EIF3L: variants seen among roughly 807,000 people sequenced by gnomAD.
EIF3L encodes eukaryotic translation initiation factor 3 subunit L, also known as eIEF associated protein HSPC021.
In EIF3L, 32 loss-of-function variants were observed where a neutral mutation model predicts 74.6. The ratio of observed to expected loss-of-function variants is 0.43; its 90% CI spans 0.32 to 0.58. EIF3L has a LOEUF of 0.58. Ranked by LOEUF, EIF3L falls within the 20% of genes least tolerant of loss-of-function variation. The pLI is 0.06. For missense variants in EIF3L, 474 were observed against 707.8 expected, an observed-to-expected ratio of 0.67 and a Z score of 3.75; for synonymous variants, 256 against 254.4, an observed-to-expected ratio of 1.01 and a Z score of -0.06.
Position 37,886,786 on chromosome 22 carries a change from A to G in EIF3L, c.1597A>G (p.Thr533Ala). The G allele has an allele frequency of 6.2e-7, 1 of 1,611,112 alleles. No homozygotes were observed. Among genetic ancestry groups the G allele is most frequent in the Non-Finnish European group, 8.5e-7 (1 of 1,178,042 alleles). ...IDKDMIHIAD[T>A]KVARRYGDFF... ...ACAGGACATGATCCACATCGCGGACACCAAGGTCGCCAGGCGTTATGGGGA... is the reference window on the plus strand; with the variant it reads ...ACAGGACATGATCCACATCGCGGACGCCAAGGTCGCCAGGCGTTATGGGGA... The change falls in exon 12 of 13, where the codon ACC becomes GCC. Residue 533 changes from threonine (T) to alanine (A), a missense_variant. Thr to Ala is a moderately conservative substitution (Grantham distance 58). Transcript: ENST00000652021.
At chr22:37,868,208 G>A (rs374616390) in intron 7 of EIF3L, among the ~76,000 whole-genome samples, 7 of 143,196 alleles carry the variant, frequency 4.9e-5, no homozygotes, top group East Asian at 2.1e-4. Flanking sequence ...TCCACCTCCT[G>A]TGTTCAAGCG....
intron 7 of EIF3L, among the ~76,000 whole-genome samples, chr22:37,868,574 C>T (rs1171563787): frequency 6.6e-6 from 1 of 150,650 alleles, no homozygotes; most frequent in Admixed American, 6.7e-5. Context: ...CTGCCTCAGC[C>T]TCCCGAGTAG....
chr22:37,875,770 G>A, intron 9 of EIF3L, 71 bp from the exon 10 acceptor site: 1 of 1,470,320 alleles, frequency 6.8e-7, no homozygotes, highest in South Asian at 1.3e-5. Context: ...GAAAACTCTT[G>A]GTGTTTCTAC....
intron 8 of EIF3L, among the ~76,000 whole-genome samples, chr22:37,872,998 A>AT (rs1926554548): frequency 2.0e-5 from 3 of 150,050 alleles, no homozygotes; most frequent in Non-Finnish European, 1.5e-5. Context: ...TTTTATTTTT[A>AT]TTTTTTTTGA....
At chr22:37,849,601 C>T (rs1376246346) in intron 1 of EIF3L, 119 bp downstream of exon 1, 2 of 1,183,176 alleles carry the variant, frequency 1.7e-6, no homozygotes, top group Non-Finnish European at 2.4e-6. Context: ...GACCTCCCGC[C>T]CGGCCCTCAG....
intron 11 of EIF3L, chr22:37,879,342 T>TA (rs1926924383): frequency 6.6e-6 from 1 of 151,826 alleles, no homozygotes; most frequent in Non-Finnish European, 1.5e-5. Context: ...CTACTAAAAA[T>TA]AAATTAGCTG....
At chr22:37,874,134 C>CAA (rs371008866) in intron 8 of EIF3L, among the ~76,000 whole-genome samples, 1 of 145,776 alleles carries the variant, frequency 6.9e-6, no homozygotes, top group African/African-American at 2.5e-5. Flanking sequence ...GTGTTGGGAC[C>CAA]AAAAAAAAAA....
chr22:37,886,586 A>G, intron 11 of EIF3L, 179 bp from the exon 12 acceptor site: 1 of 418,206 alleles, frequency 2.4e-6, no homozygotes, highest in Non-Finnish European at 4.4e-6. Flanking sequence ...AAAGAAAAGA[A>G]AAACTCTCTA....
intron 7 of EIF3L, among the ~76,000 whole-genome samples, chr22:37,865,301 TAAAA>T (rs547553194): frequency 2.8e-5 from 4 of 144,266 alleles, no homozygotes; most frequent in African/African-American, 1.0e-4. Flanking sequence ...CCATCTCTAC[TAAAA>T]AAAAAACAGC....
chr22:37,871,499 AC>A (rs141509446), intron 8 of EIF3L, among the ~76,000 whole-genome samples: 7,452 of 152,268 alleles, frequency 0.049, 581 homozygotes, highest in African/African-American at 0.17. Flanking sequence ...TAATAAAGTT[AC>A]TTTCAGGCTG....
At chr22:37,853,911 A>G (rs939765146) in intron 3 of EIF3L, among the ~76,000 whole-genome samples, 11 of 152,242 alleles carry the variant, frequency 7.2e-5, no homozygotes, top group Non-Finnish European at 1.0e-4. Context: ...AAGTTTTCCA[A>G]TACTGAGTTA....
chr22:37,860,209 T>A (rs1925782983), intron 5 of EIF3L, among the ~76,000 whole-genome samples: 1 of 152,212 alleles, frequency 6.6e-6, no homozygotes, highest in Non-Finnish European at 1.5e-5. Context: ...GTTTTTCTCA[T>A]GGTAATCATC....
intron 9 of EIF3L, among the ~76,000 whole-genome samples, chr22:37,874,895 A>ATTTTTTTTTTTT (rs35994639): frequency 2.7e-4 from 31 of 113,464 alleles, no homozygotes; most frequent in Non-Finnish European, 4.2e-4. Context: ...TGCCCAGCTA[A>ATTTTTTTTTTTT]TTTTTTTTTT....
At chr22:37,857,911 T>C (rs1204615828) in intron 4 of EIF3L, among the ~76,000 whole-genome samples, 1 of 152,108 alleles carries the variant, frequency 6.6e-6, no homozygotes. Context: ...AGCTCACGGC[T>C]GTAATTCTGG....
At chr22:37,857,169 G>A (rs1460554926) in intron 4 of EIF3L, among the ~76,000 whole-genome samples, 2 of 151,888 alleles carry the variant, frequency 1.3e-5, no homozygotes, top group East Asian at 1.9e-4. Context: ...AGACCATCCT[G>A]GCTAACACGG....
At chr22:37,874,622 GA>G in intron 9 of EIF3L, 98 bp downstream of exon 9, 1 of 1,370,690 alleles carries the variant, frequency 7.3e-7, no homozygotes. Context: ...GGAGAGGAAA[GA>G]GGACTGTTCC....
intron 3 of EIF3L, 74 bp from the exon 4 acceptor site, chr22:37,855,491 C>G: frequency 1.5e-6 from 2 of 1,377,822 alleles, no homozygotes; most frequent in Non-Finnish European, 2.1e-6. Flanking sequence ...AGCCTGGGTC[C>G]TCATCTGTAA....
At chr22:37,864,171 C>T (rs1357037280) in intron 7 of EIF3L, among the ~76,000 whole-genome samples, 1 of 152,168 alleles carries the variant, frequency 6.6e-6, no homozygotes, top group East Asian at 1.9e-4. Flanking sequence ...ATTTTCCCAC[C>T]TCAGCCACCT....
intron 1 of EIF3L, 65 bp from the exon 2 acceptor site, chr22:37,849,950 T>A (rs749016162): frequency 7.0e-6 from 11 of 1,580,244 alleles, no homozygotes; most frequent in Non-Finnish European, 9.6e-6. Context: ...GCATCTAGAC[T>A]CTAGGATGAG....
Sources: gnomAD v4.1 joint callset for allele counts (sites outside exome capture counted in the v4.1 genomes callset) on GRCh38, gnomAD v4.1.1 for gene constraint, MANE v1.5 for transcripts, NCBI Gene and HGNC (gene_info 2026-07-23, HGNC 2026-07-21) for gene names.